The following CADPS2 variants were observed in gnomAD, a reference collection of about 807,000 sequenced individuals.
The protein encoded by CADPS2 is calcium-dependent secretion activator 2.
Under a neutral mutation model 172.5 loss-of-function variants are expected in CADPS2, and 93 were observed. That is an observed-to-expected ratio of 0.54 (90% CI 0.46 to 0.64). CADPS2 has a LOEUF of 0.64. Among genes scored for constraint, CADPS2 ranks in the 30% least tolerant of loss-of-function variants. The pLI, the probability that CADPS2 is intolerant of heterozygous loss-of-function variation, is 0.00. For synonymous variants in CADPS2, 546 were observed against 555.2 expected (o/e 0.98, Z 0.23); for missense variants, 1,420 against 1,565.9 (o/e 0.91, Z 1.57).
At chr7:122,585,372 A>G (rs1217864851) in intron 6 of CADPS2, 1 of 151,728 alleles carries the variant, frequency 6.6e-6, no homozygotes, top group African/African-American at 2.4e-5. Context: ...TTTGGGAAAT[A>G]AAAGTTGAAA....
At chr7:122,531,619 A>G (rs2061762647) in intron 8 of CADPS2, among the ~76,000 whole-genome samples, 1 of 152,202 alleles carries the variant, frequency 6.6e-6, no homozygotes, top group East Asian at 1.9e-4. Context: ...TTCTAATTGT[A>G]AATGGAGATA....
chr7:122,865,437 G>A (rs1367259332), intron 1 of CADPS2, among the ~76,000 whole-genome samples: 2 of 152,172 alleles, frequency 1.3e-5, no homozygotes, highest in Admixed American at 6.5e-5. Context: ...GACCCTGACT[G>A]TTCCACAGCC....
chr7:122,411,431 GCTGACCTTGAA>G, intron 19 of CADPS2, among the ~76,000 whole-genome samples: 1 of 151,824 alleles, frequency 6.6e-6, no homozygotes, highest in South Asian at 2.1e-4. Flanking sequence ...TGTTCGCCAG[GCTGACCTTGAA>G]CTCCTGACTT....
At chr7:122,366,109 T>G (rs1585301636) in intron 25 of CADPS2, among the ~76,000 whole-genome samples, 1 of 151,538 alleles carries the variant, frequency 6.6e-6, no homozygotes, top group Non-Finnish European at 1.5e-5. Context: ...TGTTTTTTTT[T>G]TTGTTAAGAT....
intron 3 of CADPS2, among the ~76,000 whole-genome samples, chr7:122,656,384 T>C (rs2079795453): frequency 1.3e-5 from 2 of 151,958 alleles, no homozygotes; most frequent in Admixed American, 1.3e-4. Context: ...AAGAAGAGAA[T>C]ACCACCCCAC....
intron 1 of CADPS2, among the ~76,000 whole-genome samples, chr7:122,795,553 GT>G (rs1182119915): frequency 1.3e-5 from 2 of 152,084 alleles, no homozygotes; most frequent in South Asian, 4.1e-4. Flanking sequence ...TGCAAAGTTG[GT>G]TCAACATACA....
chr7:122,610,916 G>A (rs970321274), intron 6 of CADPS2, among the ~76,000 whole-genome samples: 8 of 152,154 alleles, frequency 5.3e-5, no homozygotes, highest in African/African-American at 1.9e-4. Context: ...GAGTGACATG[G>A]TAGGACCTGG....
chr7:122,766,719 A>C (rs1226071346), intron 1 of CADPS2, among the ~76,000 whole-genome samples: 1 of 152,182 alleles, frequency 6.6e-6, no homozygotes, highest in Non-Finnish European at 1.5e-5. Context: ...AAACTTTTTA[A>C]AACTTTGTAG....
chr7:122,617,053 C>T (rs536112597), intron 5 of CADPS2, among the ~76,000 whole-genome samples: 3 of 152,276 alleles, frequency 2.0e-5, no homozygotes, highest in South Asian at 2.1e-4. Context: ...ATTGTTGACA[C>T]TGCATCTCTT....
chr7:122,511,239 A>G (rs2059980264), intron 9 of CADPS2, among the ~76,000 whole-genome samples: 1 of 151,628 alleles, frequency 6.6e-6, no homozygotes, highest in African/African-American at 2.4e-5. Flanking sequence ...TCTTCCCCCA[A>G]AAACCTACCA....
At chr7:122,857,311 C>T (rs904533975) in intron 1 of CADPS2, among the ~76,000 whole-genome samples, 3 of 151,946 alleles carry the variant, frequency 2.0e-5, no homozygotes, top group Non-Finnish European at 4.4e-5. Flanking sequence ...TTACTATAGG[C>T]GTATATTATT....
intron 2 of CADPS2, among the ~76,000 whole-genome samples, chr7:122,725,875 C>A (rs538409276): frequency 6.6e-6 from 1 of 151,950 alleles, no homozygotes; most frequent in African/African-American, 2.4e-5. Context: ...AAGGTAGAAC[C>A]AACACGCCCT....
chr7:122,671,647 TG>T (rs112048087), intron 2 of CADPS2, among the ~76,000 whole-genome samples: 14,267 of 152,184 alleles, frequency 0.094, 1,065 homozygotes, highest in African/African-American at 0.21. Flanking sequence ...GAGAAGCAGC[TG>T]ATCAACTGCC....
At chr7:122,327,711 A>G (rs910757293) in intron 28 of CADPS2, among the ~76,000 whole-genome samples, 26 of 152,014 alleles carry the variant, frequency 1.7e-4, no homozygotes, top group African/African-American at 6.3e-4. Context: ...CACAGAAATC[A>G]TTTATATATA....
In CADPS2 at chr7:122,664,626, C is replaced by G. The variant is rs138906131; in HGVS notation, c.454-1057G>C. 7.6e-3 allele frequency among the ~76,000 whole-genome samples: 1,156 copies of G among 152,204 alleles called. 13 individuals are homozygous for G. Among genetic ancestry groups the G allele is most frequent in the African/African-American group, 0.026 (1,091 of 41,512 alleles). ...AACTTCTGTTATGCTGTCAATATTCCTAAGAATCCTCCATAAGCCATATAA... is the reference window on the plus strand; with the variant it reads ...AACTTCTGTTATGCTGTCAATATTCGTAAGAATCCTCCATAAGCCATATAA... On this transcript the variant is annotated intron_variant, in intron 2 of 29. Coordinates refer to ENST00000449022, the MANE Select transcript of CADPS2 (RefSeq NM_017954.11).
At chr7:122,702,479 T>C (rs1402676485) in intron 2 of CADPS2, 2 of 1,613,684 alleles carry the variant, frequency 1.2e-6, no homozygotes, top group African/African-American at 1.3e-5. Flanking sequence ...CCTGCTGAAA[T>C]TGGTCAAAGG....
chr7:122,621,271 T>C (rs771515877), intron 5 of CADPS2, among the ~76,000 whole-genome samples: 10 of 152,218 alleles, frequency 6.6e-5, no homozygotes, highest in Non-Finnish European at 1.3e-4. Flanking sequence ...TCTATTATTT[T>C]ATTTAATCCT....
intron 2 of CADPS2, chr7:122,676,769 AGAC>A: frequency 7.0e-6 from 8 of 1,141,298 alleles, no homozygotes; most frequent in Non-Finnish European, 9.0e-6. Context: ...AAACTTCTCC[AGAC>A]TGTGAACCAA....
At chr7:122,542,172 G>T (rs1160623234) in intron 8 of CADPS2, among the ~76,000 whole-genome samples, 3 of 151,952 alleles carry the variant, frequency 2.0e-5, no homozygotes, top group African/African-American at 7.2e-5. Context: ...GGGAAGAAGG[G>T]AGGCACAGGG....
Sources: allele counts gnomAD v4.1 joint callset (sites outside exome capture counted in the v4.1 genomes callset), GRCh38; gene constraint gnomAD v4.1.1; transcripts MANE v1.5; gene names NCBI Gene and HGNC (gene_info 2026-07-23, HGNC 2026-07-21).